The following GALNT13 variants were observed in gnomAD, a reference collection of about 807,000 sequenced individuals.
GALNT13 encodes UDP-GalNAc:polypeptide N-acetylgalactosaminyltransferase 13.
In GALNT13, 28 loss-of-function variants were observed where a neutral mutation model predicts 64.2. The ratio of observed to expected loss-of-function variants is 0.44; its 90% CI spans 0.32 to 0.60. The LOEUF is 0.60. Ranked by LOEUF, GALNT13 falls within the 20% of genes least tolerant of loss-of-function variation. GALNT13 has a pLI of 0.05. For missense variants in GALNT13, 577 were observed against 669.8 expected, an observed-to-expected ratio of 0.86 and a Z score of 1.53; for synonymous variants, 214 against 224.6, an observed-to-expected ratio of 0.95 and a Z score of 0.42.
chr2:153,779,467 T>G, the GALNT13 span, among the ~76,000 whole-genome samples: 2 of 152,208 alleles, frequency 1.3e-5, no homozygotes, highest in African/African-American at 2.4e-5. Context: ...TATTCCATAT[T>G]ACACTTGGAT....
At chr2:154,091,748 G>C (rs564406950) in intron 3 of GALNT13, among the ~76,000 whole-genome samples, 19 of 151,934 alleles carry the variant, frequency 1.3e-4, no homozygotes, top group African/African-American at 4.6e-4. Context: ...ATTTCTGTTA[G>C]AAGATAAAAG....
chr2:153,115,827 G>C, the GALNT13 span, among the ~76,000 whole-genome samples: 1 of 152,150 alleles, frequency 6.6e-6, no homozygotes, highest in East Asian at 1.9e-4. Flanking sequence ...AAAGGTTACT[G>C]TCACATTTGT....
At chr2:153,583,300 A>G in the GALNT13 span, among the ~76,000 whole-genome samples, 1 of 152,198 alleles carries the variant, frequency 6.6e-6, no homozygotes, top group Non-Finnish European at 1.5e-5. Context: ...TGAAATTACA[A>G]TTGTTTATTA....
At chr2:154,050,852 G>T (rs1699565298) in intron 3 of GALNT13, among the ~76,000 whole-genome samples, 2 of 152,090 alleles carry the variant, frequency 1.3e-5, no homozygotes, top group South Asian at 4.1e-4. Context: ...TCTTATACTA[G>T]AAAATACATA....
At chr2:154,005,254 G>T (rs1035089003) in intron 3 of GALNT13, among the ~76,000 whole-genome samples, 1 of 152,096 alleles carries the variant, frequency 6.6e-6, no homozygotes, top group Non-Finnish European at 1.5e-5. Context: ...ACCTTACTTT[G>T]TAGAGTAATT....
chr2:153,345,716 T>C, the GALNT13 span, among the ~76,000 whole-genome samples: 1,017 of 79,182 alleles, frequency 0.013, 36 homozygotes, highest in Admixed American at 0.038. Flanking sequence ...TTTCTCTCTT[T>C]CTGTCCTTCC....
intron 2 of GALNT13, among the ~76,000 whole-genome samples, chr2:153,927,136 T>C (rs928248688): frequency 2.0e-5 from 3 of 152,022 alleles, no homozygotes; most frequent in Non-Finnish European, 2.9e-5. Flanking sequence ...TTTAAGAAAA[T>C]GGGTCAAAAA....
the GALNT13 span, among the ~76,000 whole-genome samples, chr2:153,089,080 A>G: frequency 3.3e-5 from 5 of 152,140 alleles, no homozygotes; most frequent in Non-Finnish European, 5.9e-5. Flanking sequence ...TGTGAAATGC[A>G]TCATTTAATT....
intron 7 of GALNT13, 122 bp from the exon 8 acceptor site, chr2:154,258,899 G>T: frequency 1.8e-6 from 1 of 571,108 alleles, no homozygotes; most frequent in South Asian, 2.2e-5. Flanking sequence ...CCTTGACTTT[G>T]TGTTTTTAGT....
intron 3 of GALNT13, among the ~76,000 whole-genome samples, chr2:154,136,779 A>G (rs531493224): frequency 1.3e-5 from 2 of 152,250 alleles, no homozygotes; most frequent in Admixed American, 6.5e-5. Context: ...TAGGAAGAAA[A>G]TAGCTCATAG....
At chr2:153,230,224 G>T in the GALNT13 span, among the ~76,000 whole-genome samples, 1 of 152,172 alleles carries the variant, frequency 6.6e-6, no homozygotes, top group Non-Finnish European at 1.5e-5. Context: ...AACTCCGTTG[G>T]AATTTGGGGA....
chr2:153,436,978 C>T, the GALNT13 span, among the ~76,000 whole-genome samples: 3 of 151,966 alleles, frequency 2.0e-5, no homozygotes, highest in South Asian at 6.3e-4. Flanking sequence ...TATAAATTTC[C>T]CTCTACATAC....
chr2:154,155,495 C>T (rs1684359702), intron 4 of GALNT13, among the ~76,000 whole-genome samples: 2 of 151,980 alleles, frequency 1.3e-5, no homozygotes, highest in South Asian at 4.1e-4. Flanking sequence ...CAGATGTTTT[C>T]TGTGCACATA....
the GALNT13 span, among the ~76,000 whole-genome samples, chr2:153,325,639 T>C: frequency 1.3e-5 from 2 of 152,252 alleles, no homozygotes; most frequent in Admixed American, 1.3e-4. Context: ...CATTTAGTGC[T>C]ATAAATTTCC....
the GALNT13 span, among the ~76,000 whole-genome samples, chr2:153,105,994 TC>T: frequency 1.3e-5 from 2 of 152,174 alleles, no homozygotes; most frequent in Non-Finnish European, 2.9e-5. Flanking sequence ...CATAGAGCTG[TC>T]AAGTCTCTGT....
intron 3 of GALNT13, among the ~76,000 whole-genome samples, chr2:154,123,512 A>G (rs1682077124): frequency 6.6e-6 from 1 of 151,976 alleles, no homozygotes; most frequent in Non-Finnish European, 1.5e-5. Context: ...CCTTTTAAAA[A>G]GGCACACTGA....
At chr2:153,815,800 G>A in the GALNT13 span, among the ~76,000 whole-genome samples, 1 of 152,014 alleles carries the variant, frequency 6.6e-6, no homozygotes, top group Non-Finnish European at 1.5e-5. Context: ...TCTATTGTTT[G>A]GTTTCAATAA....
the GALNT13 span, among the ~76,000 whole-genome samples, chr2:153,773,223 G>T: frequency 6.6e-6 from 1 of 152,136 alleles, no homozygotes; most frequent in African/African-American, 2.4e-5. Context: ...GGGATGGATG[G>T]GACCAGTTTC....
At chr2:153,106,246 AT>A in the GALNT13 span, among the ~76,000 whole-genome samples, 4 of 152,324 alleles carry the variant, frequency 2.6e-5, no homozygotes, top group South Asian at 8.3e-4. Context: ...TTTCCAAAAA[AT>A]TATGATAAAT....
Sources: allele counts gnomAD v4.1 joint callset (sites outside exome capture counted in the v4.1 genomes callset), GRCh38; gene constraint gnomAD v4.1.1; transcripts MANE v1.5; gene names NCBI Gene and HGNC (gene_info 2026-07-23, HGNC 2026-07-21).